Variants in TPST2 observed in about 807,000 individuals in gnomAD.
TPST2 encodes the protein tyrosylprotein sulfotransferase 2.
TPST2 carries 16 observed loss-of-function variants against 27.8 expected under a neutral mutation model. That is an observed-to-expected ratio of 0.58 (90% confidence interval 0.39 to 0.88). TPST2 has a LOEUF of 0.88. Ranked by LOEUF, TPST2 falls within the 40% of genes least tolerant of loss-of-function variation. The probability of loss-of-function intolerance (pLI) is 0.00; values close to 1 mark genes in which losing one functional copy is unlikely to be tolerated. For synonymous variants in TPST2, 229 were observed against 231.7 expected (o/e 0.99, Z 0.10); for missense variants, 464 against 543.1 (o/e 0.85, Z 1.45).
rs1241678819 is a variant in TPST2 at position 26,588,824 on chromosome 22, C to G, written c.-161+1229G>C. ...AAATCCAGAAGCCTACCCTCGCCAG[C>G]AGACCACCCTGCTGAGATGAAAGGG... On this transcript the variant is annotated intron_variant, in intron 1 of 6. Coordinates refer to ENST00000338754, the MANE Select transcript of TPST2 (RefSeq NM_003595.5). Among the ~76,000 whole-genome samples the G allele has an allele frequency of 2.0e-5, 3 of 152,252 alleles. No individual in the cohort carries two copies. In the South Asian group the frequency reaches 6.2e-4, roughly 32 times the overall value.
intron 1 of TPST2, among the ~76,000 whole-genome samples, chr22:26,551,579 C>G (rs892387898): frequency 2.8e-4 from 42 of 152,200 alleles, no homozygotes; most frequent in African/African-American, 7.5e-4. Context: ...TTACCTAAAA[C>G]CATCAAAGCA....
intron 1 of TPST2, among the ~76,000 whole-genome samples, chr22:26,553,496 C>A (rs900709030): frequency 6.7e-6 from 1 of 149,660 alleles, no homozygotes. Flanking sequence ...CCCCAGCCTG[C>A]CAAGTAGCTG....
intron 1 of TPST2, among the ~76,000 whole-genome samples, chr22:26,575,722 G>A (rs1311743989): frequency 6.6e-6 from 1 of 152,186 alleles, no homozygotes; most frequent in Non-Finnish European, 1.5e-5. Context: ...CAGGCCGGGC[G>A]CAGTGGCTCA....
At chr22:26,545,951 C>T (rs1308316747) in intron 1 of TPST2, among the ~76,000 whole-genome samples, 1 of 152,014 alleles carries the variant, frequency 6.6e-6, no homozygotes, top group African/African-American at 2.4e-5. Flanking sequence ...ATGGTACCTG[C>T]CTATAGTCCC....
At chr22:26,570,288 C>T (rs1398447839) in intron 1 of TPST2, among the ~76,000 whole-genome samples, 3 of 152,142 alleles carry the variant, frequency 2.0e-5, no homozygotes, top group African/African-American at 7.2e-5. Flanking sequence ...GTCCTGGGCG[C>T]CAGGAACTTC....
intron 1 of TPST2, among the ~76,000 whole-genome samples, chr22:26,545,846 G>C (rs1003216724): frequency 3.9e-5 from 6 of 152,188 alleles, no homozygotes; most frequent in African/African-American, 1.4e-4. Context: ...TTGGGAGGCA[G>C]AGGCAGGAGG....
At chr22:26,540,156 G>C (rs1235645200) in intron 3 of TPST2, among the ~76,000 whole-genome samples, 1 of 152,212 alleles carries the variant, frequency 6.6e-6, no homozygotes, top group Non-Finnish European at 1.5e-5. Flanking sequence ...TACAGATGAA[G>C]CAATGGAAGC....
intron 3 of TPST2, among the ~76,000 whole-genome samples, chr22:26,539,836 C>A (rs555931445): frequency 6.6e-6 from 1 of 152,282 alleles, no homozygotes; most frequent in African/African-American, 2.4e-5. Context: ...CAGCACCATG[C>A]TTTGTTAGCT....
chr22:26,537,068 A>T (rs1925511804), intron 3 of TPST2, among the ~76,000 whole-genome samples: 1 of 151,738 alleles, frequency 6.6e-6, no homozygotes, highest in Non-Finnish European at 1.5e-5. Context: ...AAAAAAAAGA[A>T]ACACTTTTTA....
chr22:26,588,628 C>T (rs547593348), intron 1 of TPST2, among the ~76,000 whole-genome samples: 3 of 152,144 alleles, frequency 2.0e-5, no homozygotes, highest in Admixed American at 6.5e-5. Flanking sequence ...AAGTAAACAA[C>T]AGTACAATTG....
intron 1 of TPST2, among the ~76,000 whole-genome samples, chr22:26,588,199 T>A (rs200279789): frequency 6.9e-6 from 1 of 145,240 alleles, no homozygotes. Context: ...ACGAAGTACT[T>A]AAAAAAAAAA....
At chr22:26,529,287 T>C (rs770422198) in intron 5 of TPST2, among the ~76,000 whole-genome samples, 5 of 152,206 alleles carry the variant, frequency 3.3e-5, no homozygotes, top group Non-Finnish European at 7.4e-5. Flanking sequence ...CCACCACGAA[T>C]GGCTAATATT....
chr22:26,589,026 T>G (rs979402450), intron 1 of TPST2, among the ~76,000 whole-genome samples: 10 of 152,162 alleles, frequency 6.6e-5, no homozygotes. Flanking sequence ...GAGGAGGTGC[T>G]GCTTGAGGGG....
intron 1 of TPST2, among the ~76,000 whole-genome samples, chr22:26,548,113 C>T (rs372991602): frequency 1.9e-4 from 29 of 152,254 alleles, no homozygotes; most frequent in African/African-American, 7.0e-4. Context: ...TAGCCCTAAT[C>T]CAAAATTTCA....
chr22:26,568,807 A>G (rs953850764), intron 1 of TPST2, among the ~76,000 whole-genome samples: 2 of 150,550 alleles, frequency 1.3e-5, no homozygotes, highest in African/African-American at 2.4e-5. Context: ...TAGCCATTCT[A>G]TTGTTTGTTT....
Position 26,538,454 on chromosome 22 carries a change from C to T in TPST2, c.843-1968G>A, listed in dbSNP as rs148114195. Among the ~76,000 whole-genome samples, 9 of 152,278 alleles carry T rather than the reference C, an allele frequency of 5.9e-5. No individual in the cohort carries two copies. The East Asian group carries it at 1.2e-3, about 20-fold the overall frequency. On this transcript the variant is annotated intron_variant, in intron 3 of 6. Transcript: ENST00000338754. ...ACATATCAGTAAAACTGGAAATAAC[C>T]GAAGTGTCCAACAATAGGGAATGTG...
intron 1 of TPST2, among the ~76,000 whole-genome samples, chr22:26,548,530 G>A (rs1203440075): frequency 2.8e-5 from 1 of 35,256 alleles, no homozygotes; most frequent in East Asian, 8.1e-4. Context: ...AAGAAGAAAA[G>A]CAAGGAAGGA....
chr22:26,550,933 G>A (rs1569185462), intron 1 of TPST2, among the ~76,000 whole-genome samples: 1 of 152,174 alleles, frequency 6.6e-6, no homozygotes, highest in Non-Finnish European at 1.5e-5. Context: ...AGCATGAAGA[G>A]TGGTTCAAGA....
chr22:26,561,178 T>A, intron 1 of TPST2: 1 of 1,526,836 alleles, frequency 6.5e-7, no homozygotes, highest in Non-Finnish European at 8.8e-7. Flanking sequence ...TCTAGCGCAG[T>A]TTTTTTTTTC....
Sources: gnomAD v4.1 joint callset for allele counts (sites outside exome capture counted in the v4.1 genomes callset) on GRCh38, gnomAD v4.1.1 for gene constraint, MANE v1.5 for transcripts, NCBI Gene and HGNC (gene_info 2026-07-23, HGNC 2026-07-21) for gene names.